CLIP1: variants seen among roughly 807,000 people sequenced by gnomAD.
The protein encoded by CLIP1 is CAP-Gly domain containing linker protein 1, also known as CAP-Gly domain-containing linker protein 1.
A neutral mutation model predicts 161.6 loss-of-function variants in CLIP1; 66 were observed. The observed-to-expected ratio is 0.41, with a 90% CI of 0.33 to 0.50. The LOEUF is 0.50. Ranked by LOEUF, CLIP1 falls within the 20% of genes least tolerant of loss-of-function variation. The pLI is 0.27. For synonymous variants in CLIP1, 598 were observed against 626.2 expected (o/e 0.96, Z 0.67); for missense variants, 1,376 against 1,702.0 (o/e 0.81, Z 3.37).
chr12:122,363,918 T>C (rs1291648421), intron 4 of CLIP1, 65 bp downstream of exon 4: 1 of 1,607,154 alleles, frequency 6.2e-7, no homozygotes. Flanking sequence ...ACACGCTTGG[T>C]GAGACTGGCC....
chr12:122,402,645 G>A (rs932918980), intron 1 of CLIP1, among the ~76,000 whole-genome samples: 1 of 151,988 alleles, frequency 6.6e-6, no homozygotes, highest in African/African-American at 2.4e-5. Flanking sequence ...ATGTGGTGGT[G>A]GGCACCTATA....
At chr12:122,399,096 T>G (rs1254601139) in intron 1 of CLIP1, among the ~76,000 whole-genome samples, 2 of 152,184 alleles carry the variant, frequency 1.3e-5, no homozygotes, top group Non-Finnish European at 2.9e-5. Flanking sequence ...TTATGTTTAC[T>G]CCTATTTTTT....
At chr12:122,308,609 C>T (rs906108556) in intron 20 of CLIP1, among the ~76,000 whole-genome samples, 3 of 152,186 alleles carry the variant, frequency 2.0e-5, no homozygotes, top group Non-Finnish European at 4.4e-5. Flanking sequence ...TTACTATCAT[C>T]TTTGTGCTTC....
intron 18 of CLIP1, among the ~76,000 whole-genome samples, chr12:122,317,217 G>T (rs1480832777): frequency 6.6e-6 from 1 of 152,142 alleles, no homozygotes; most frequent in African/African-American, 2.4e-5. Context: ...ACATCAGCAA[G>T]GATTATTCTT....
At chr12:122,413,230 G>T (rs1956605892) in intron 1 of CLIP1, among the ~76,000 whole-genome samples, 1 of 152,124 alleles carries the variant, frequency 6.6e-6, no homozygotes, top group Non-Finnish European at 1.5e-5. Context: ...AAGATTTTCA[G>T]GAAAACATCC....
At chr12:122,320,239 C>T (rs1207304582) in intron 17 of CLIP1, among the ~76,000 whole-genome samples, 1 of 150,308 alleles carries the variant, frequency 6.7e-6, no homozygotes, top group Non-Finnish European at 1.5e-5. Flanking sequence ...TGCACTCCAG[C>T]CTGGCGACAC....
chr12:122,323,554 G>GA lies in CLIP1; in HGVS notation c.3250-4207_3250-4206insT, dbSNP rs1951597814. 6.6e-6 allele frequency: 1 copy of GA among 152,666 alleles called. No homozygotes were observed. Among genetic ancestry groups the GA allele is most frequent in the East Asian group, 1.9e-4 (1 of 5,188 alleles). The allele number at this position is 152,666 out of a possible 1,614,324, so 9.5% of individuals were successfully genotyped here. A position where few individuals can be genotyped will look rare whatever the true frequency, so the allele number is the denominator to read the frequency against. On this transcript the variant is annotated intron_variant, in intron 17 of 25. Transcript: ENST00000620786. The surrounding 1 kb of genome is among the most constrained non-coding windows in gnomAD (Gnocchi z 4.1). ...CATCCAGCTGTGCGCGGAGCCCACT[G>GA]GCTTCTGAGCGGAGCAGCTGTTTGA...
At chr12:122,327,405 C>T (rs1439247091) in intron 17 of CLIP1, among the ~76,000 whole-genome samples, 1 of 152,164 alleles carries the variant, frequency 6.6e-6, no homozygotes, top group Non-Finnish European at 1.5e-5. Context: ...TTGAATCCAG[C>T]TTCCTTGTCA....
At chr12:122,285,528 G>A (rs922719807) in intron 21 of CLIP1, among the ~76,000 whole-genome samples, 9 of 152,016 alleles carry the variant, frequency 5.9e-5, no homozygotes, top group Admixed American at 3.3e-4. Context: ...CACGGTGCCC[G>A]GCCTAATTTT....
intron 1 of CLIP1, among the ~76,000 whole-genome samples, chr12:122,385,280 G>T (rs1314705466): frequency 6.6e-6 from 1 of 152,050 alleles, no homozygotes; most frequent in African/African-American, 2.4e-5. Flanking sequence ...AATGGGACAG[G>T]ACATCTGAGA....
intron 1 of CLIP1, among the ~76,000 whole-genome samples, chr12:122,422,004 G>T (rs1956961046): frequency 6.6e-6 from 1 of 152,208 alleles, no homozygotes; most frequent in Non-Finnish European, 1.5e-5. Context: ...AGCCGGGGCA[G>T]CGGGGGAGGC....
In CLIP1 at chr12:122,273,068, G is replaced by A; in HGVS notation, c.4124C>T (p.Pro1375Leu). 1 of 1,613,992 alleles carries A rather than the reference G, an allele frequency of 6.2e-7. No homozygotes were observed. Among genetic ancestry groups the A allele is most frequent in the Non-Finnish European group, 8.5e-7 (1 of 1,179,952 alleles). Residue 1375 changes from proline (P) to leucine (L), a missense_variant, in exon 26 of 26, where the codon CCT (proline) becomes CTT (leucine). Coordinates refer to ENST00000620786, the MANE Select transcript of CLIP1 (RefSeq NM_001247997.2). ...GTCACAAATGTCACAGAAGAGGCGA[G>A]GTTTCTTCTTGGACTGTTTCTCCTG... is the stretch of plus-strand genomic sequence containing the variant. Reference protein sequence around the residue: ...DDQEKQSKKKPRLFCDICDCF... With the variant: ...DDQEKQSKKKLRLFCDICDCF...
At chr12:122,381,932 TAAG>T (rs886925181) in intron 1 of CLIP1, among the ~76,000 whole-genome samples, 8 of 152,312 alleles carry the variant, frequency 5.3e-5, no homozygotes, top group Admixed American at 3.3e-4. Flanking sequence ...AGCATCCCTA[TAAG>T]AAGAAGTGAC....
At chr12:122,402,485 T>C (rs917573584) in intron 1 of CLIP1, among the ~76,000 whole-genome samples, 1 of 151,430 alleles carries the variant, frequency 6.6e-6, no homozygotes, top group African/African-American at 2.4e-5. Flanking sequence ...GAGCAAGACC[T>C]CATCTCCTGC....
intron 1 of CLIP1, among the ~76,000 whole-genome samples, chr12:122,411,198 C>G (rs1956518991): frequency 6.6e-6 from 1 of 152,014 alleles, no homozygotes; most frequent in African/African-American, 2.4e-5. Flanking sequence ...GGCGGATCAC[C>G]TGAGGTCAGG....
At chr12:122,295,744 C>G (rs1950444005) in intron 20 of CLIP1, among the ~76,000 whole-genome samples, 1 of 152,226 alleles carries the variant, frequency 6.6e-6, no homozygotes, top group Non-Finnish European at 1.5e-5. Flanking sequence ...TTTTCAATTT[C>G]TCTTTTTAAT....
At chr12:122,333,236 G>T in intron 14 of CLIP1, 93 bp from the exon 15 acceptor site, 1 of 907,756 alleles carries the variant, frequency 1.1e-6, no homozygotes, top group Non-Finnish European at 1.7e-6. Context: ...TTTTCACACA[G>T]CAATTCTTGT....
Position 122,284,645 on chromosome 12 carries a change from C to T in CLIP1, c.3647+3844G>A, listed in dbSNP as rs1048493884. Among the ~76,000 whole-genome samples, 4 of 152,242 alleles carry T rather than the reference C, an allele frequency of 2.6e-5. No homozygotes were observed. The South Asian group carries it at 8.3e-4, about 32-fold the overall frequency. ...GGGATTACAGGCATGAGCCACTGCACCTGGTCATGTTCCATCTTTTTAAGC... is the reference window on the plus strand; with the variant it reads ...GGGATTACAGGCATGAGCCACTGCATCTGGTCATGTTCCATCTTTTTAAGC... On this transcript the variant is annotated intron_variant, in intron 21 of 25. Coordinates refer to ENST00000620786, the MANE Select transcript of CLIP1 (RefSeq NM_001247997.2).
intron 1 of CLIP1, among the ~76,000 whole-genome samples, chr12:122,385,936 C>T (rs904513744): frequency 5.3e-5 from 8 of 152,048 alleles, no homozygotes; most frequent in Non-Finnish European, 1.5e-5. Flanking sequence ...GTTTCATGTT[C>T]ACAACTTGAA....
Sources: gnomAD v4.1 joint callset for allele counts (sites outside exome capture counted in the v4.1 genomes callset) on GRCh38, gnomAD v4.1.1 for gene constraint, Gnocchi (gnomAD v3.1) non-coding constraint, MANE v1.5 for transcripts, NCBI Gene and HGNC (gene_info 2026-07-23, HGNC 2026-07-21) for gene names.